SQOR: variants seen among roughly 807,000 people sequenced by gnomAD.
SQOR encodes the protein sulfide quinone oxidoreductase, also known as sulfide:quinone oxidoreductase, mitochondrial.
SQOR carries 39 observed loss-of-function variants against 48.6 expected under a neutral mutation model. The ratio of observed to expected loss-of-function variants is 0.80; its 90% confidence interval spans 0.62 to 1.05. The LOEUF (loss-of-function observed/expected upper bound fraction) is 1.05. SQOR is among the 50% of genes least tolerant of loss of function. SQOR has a pLI of 0.00. For missense variants in SQOR, 561 were observed against 559.9 expected, an observed-to-expected ratio of 1.00 and a Z score of -0.02; for synonymous variants, 220 against 206.2, an observed-to-expected ratio of 1.07 and a Z score of -0.57.
In SQOR at chr15:45,643,185, T is replaced by C. The variant is rs562179567; in HGVS notation, c.-18+8077T>C. 8.7e-4 allele frequency among the ~76,000 whole-genome samples: 132 copies of C among 152,228 alleles called. 1 individual carries two copies. The Middle Eastern group carries it at 0.024, about 27-fold the overall frequency. On this transcript the variant is annotated intron_variant, in intron 1 of 9. Coordinates refer to ENST00000260324, the MANE Select transcript of SQOR (RefSeq NM_021199.4). Reference sequence around the variant, plus strand: ...TTACATACAGTGGGCGCTCAATGAATACTTGTGGACACATTCTTTTTTCTT... The same window carrying C: ...TTACATACAGTGGGCGCTCAATGAACACTTGTGGACACATTCTTTTTTCTT...
intron 6 of SQOR, among the ~76,000 whole-genome samples, chr15:45,678,673 G>C (rs1196179016): frequency 6.6e-6 from 1 of 152,104 alleles, no homozygotes; most frequent in African/African-American, 2.4e-5. Flanking sequence ...TATGCACACA[G>C]AGGCTACTGG....
intron 4 of SQOR, among the ~76,000 whole-genome samples, chr15:45,671,751 C>T (rs1328114035): frequency 2.6e-5 from 4 of 152,192 alleles, no homozygotes; most frequent in Non-Finnish European, 5.9e-5. Context: ...CTCTCTTTGT[C>T]CATCTCTCTT....
At chr15:45,658,883 A>G in intron 1 of SQOR, 24 bp from the exon 2 acceptor site, 1 of 1,455,200 alleles carries the variant, frequency 6.9e-7, no homozygotes, top group East Asian at 2.5e-5. Context: ...CTTGGCACTC[A>G]CAGCCCTGTC....
chr15:45,679,546 CA>C (rs1431490699), intron 6 of SQOR, among the ~76,000 whole-genome samples: 1 of 152,052 alleles, frequency 6.6e-6, no homozygotes, highest in Non-Finnish European at 1.5e-5. Context: ...ACTGAAAATA[CA>C]AAAATTAGCC....
intron 5 of SQOR, among the ~76,000 whole-genome samples, chr15:45,675,412 G>T (rs3784585): frequency 0.19 from 27,659 of 143,108 alleles, 2,896 homozygotes; most frequent in East Asian, 0.45. Flanking sequence ...TTTTTTTTTT[G>T]GAGACAGAAT....
rs528117302 is a variant in SQOR at position 45,648,703 on chromosome 15, C to T, written c.-17-10204C>T. On this transcript the variant is annotated intron_variant, in intron 1 of 9. Transcript: ENST00000260324. ...TGACCTGTGCCGTGTACACAGTGCT[C>T]ATTCGTGCCCTGAGACAGGAAGCTA... Among the ~76,000 whole-genome samples, 5 of 152,344 alleles carry T rather than the reference C, an allele frequency of 3.3e-5. No individual in the cohort carries two copies. The South Asian group carries it at 8.3e-4, about 25-fold the overall frequency.
At chr15:45,683,611 G>T (rs907879998) in intron 7 of SQOR, among the ~76,000 whole-genome samples, 2 of 152,132 alleles carry the variant, frequency 1.3e-5, no homozygotes, top group Non-Finnish European at 2.9e-5. Flanking sequence ...GGAACAGATT[G>T]TGTTACTTTT....
intron 3 of SQOR, among the ~76,000 whole-genome samples, chr15:45,667,941 C>CTTTTTTTTTTTTTTTTTTTTTTTTTTTT (rs1204451548): frequency 1.9e-5 from 2 of 103,278 alleles, no homozygotes; most frequent in Non-Finnish European, 3.8e-5. Flanking sequence ...TTCTTTCTTT[C>CTTTTTTTTTTTTTTTTTTTTTTTTTTTT]TTTTTTTTTT....
At chr15:45,639,091 T>G (rs2140936409) in intron 1 of SQOR, among the ~76,000 whole-genome samples, 1 of 152,336 alleles carries the variant, frequency 6.6e-6, no homozygotes, top group East Asian at 1.9e-4. Flanking sequence ...TGGCTACAAC[T>G]AGGCACCATC....
intron 5 of SQOR, among the ~76,000 whole-genome samples, chr15:45,675,399 ATTT>A (rs201693476): frequency 1.4e-5 from 2 of 144,440 alleles, no homozygotes; most frequent in Admixed American, 6.9e-5. Flanking sequence ...TAGTTTGTTT[ATTT>A]TTTTTTTTTG....
At chr15:45,643,986 A>C (rs1305332912) in intron 1 of SQOR, among the ~76,000 whole-genome samples, 2 of 152,232 alleles carry the variant, frequency 1.3e-5, no homozygotes, top group African/African-American at 4.8e-5. Context: ...ATTTAGTTGC[A>C]AAAATTTATA....
upstream of SQOR, among the ~76,000 whole-genome samples, chr15:45,632,812 G>T (rs1894921156): frequency 6.6e-6 from 1 of 151,946 alleles, no homozygotes; most frequent in Admixed American, 6.6e-5. Flanking sequence ...ATATAACAAT[G>T]AACTGTCCTG....
At chr15:45,683,384 C>A (rs1354208966) in intron 7 of SQOR, among the ~76,000 whole-genome samples, 1 of 152,220 alleles carries the variant, frequency 6.6e-6, no homozygotes, top group Non-Finnish European at 1.5e-5. Flanking sequence ...AGAAAATTGT[C>A]CTGTTAAGAC....
chr15:45,640,346 T>C (rs911871741), intron 1 of SQOR, among the ~76,000 whole-genome samples: 2 of 152,168 alleles, frequency 1.3e-5, no homozygotes, highest in African/African-American at 4.8e-5. Flanking sequence ...CTTTATTCCA[T>C]TGATGAAGAA....
At chr15:45,668,341 C>A (rs538201300) in intron 3 of SQOR, among the ~76,000 whole-genome samples, 2 of 152,232 alleles carry the variant, frequency 1.3e-5, no homozygotes. Context: ...CAACTGAAAT[C>A]ATTCATCTAT....
At position 45,668,093 on chromosome 15, in the gene SQOR, C is replaced by T. The variant is rs547794344; in HGVS notation, c.406-1835C>T. Among the ~76,000 whole-genome samples, 6 of 151,724 alleles carry T rather than the reference C, an allele frequency of 4.0e-5. No individual in the cohort carries two copies. In the East Asian group the frequency reaches 1.2e-3, roughly 30 times the overall value. ...CTGAGTAGCTGGGACTACAGGCGCC[C>T]GCCACCATACCCAGCTAATTTTTTG... On this transcript the variant is annotated intron_variant, in intron 3 of 9. Coordinates refer to ENST00000260324, the MANE Select transcript of SQOR (RefSeq NM_021199.4).
At chr15:45,685,656 G>A (rs910707934) in intron 7 of SQOR, among the ~76,000 whole-genome samples, 4 of 152,132 alleles carry the variant, frequency 2.6e-5, no homozygotes, top group African/African-American at 7.2e-5. Context: ...TCTCTGTGGT[G>A]GCACCCACTG....
intron 1 of SQOR, among the ~76,000 whole-genome samples, chr15:45,651,980 C>T (rs1469856160): frequency 2.6e-5 from 4 of 151,816 alleles, no homozygotes; most frequent in Non-Finnish European, 5.9e-5. Flanking sequence ...CCCCCCGCCT[C>T]CTGGGTTCAA....
At chr15:45,654,805 T>A (rs1394757382) in intron 1 of SQOR, among the ~76,000 whole-genome samples, 1 of 152,152 alleles carries the variant, frequency 6.6e-6, no homozygotes, top group South Asian at 2.1e-4. Context: ...TGTCAGATTT[T>A]ATAGTCAGGT....
Sources: gnomAD v4.1 joint callset for allele counts (sites outside exome capture counted in the v4.1 genomes callset) on GRCh38, gnomAD v4.1.1 for gene constraint, MANE v1.5 for transcripts, NCBI Gene and HGNC (gene_info 2026-07-23, HGNC 2026-07-21) for gene names.